LRRTM4: variants seen among roughly 807,000 people sequenced by gnomAD.
LRRTM4 encodes the protein leucine-rich repeat transmembrane neuronal protein 4.
LRRTM4 carries 25 observed loss-of-function variants against 47.6 expected under a neutral mutation model. That is an observed-to-expected ratio of 0.53 (90% CI 0.38 to 0.73). LRRTM4 has a LOEUF of 0.73. Among genes scored for constraint, LRRTM4 ranks in the 30% least tolerant of loss-of-function variants. The pLI is 0.00. For missense variants in LRRTM4, 638 were observed against 713.4 expected (o/e 0.89, Z 1.20); for synonymous variants, 311 against 269.5 (o/e 1.15, Z -1.51).
intron 3 of LRRTM4, among the ~76,000 whole-genome samples, chr2:77,270,789 T>G (rs1338440289): frequency 6.6e-6 from 1 of 152,182 alleles, no homozygotes; most frequent in Non-Finnish European, 1.5e-5. Flanking sequence ...TGAGAATGTG[T>G]CTTCCTGTTT....
At chr2:76,983,271 G>T (rs1432256088) in intron 3 of LRRTM4, among the ~76,000 whole-genome samples, 1 of 151,976 alleles carries the variant, frequency 6.6e-6, no homozygotes, top group Non-Finnish European at 1.5e-5. Context: ...CCATTTTATA[G>T]ACCCTAAGTC....
At chr2:77,371,954 G>A (rs1672670857) in intron 3 of LRRTM4, among the ~76,000 whole-genome samples, 1 of 151,674 alleles carries the variant, frequency 6.6e-6, no homozygotes, top group Non-Finnish European at 1.5e-5. Context: ...AGAAACAGAG[G>A]ACTTCATTCC....
intron 3 of LRRTM4, among the ~76,000 whole-genome samples, chr2:77,101,397 A>AG (rs926069063): frequency 1.9e-4 from 29 of 152,240 alleles, no homozygotes; most frequent in Admixed American, 1.6e-3. Flanking sequence ...ATACAAAATG[A>AG]GGGGGGTGAA....
At chr2:77,166,332 C>T (rs1672884690) in intron 3 of LRRTM4, among the ~76,000 whole-genome samples, 1 of 152,140 alleles carries the variant, frequency 6.6e-6, no homozygotes, top group Non-Finnish European at 1.5e-5. Flanking sequence ...AAGAACATTC[C>T]ATGCTCATGG....
At chr2:76,772,641 G>C (rs187428070) in intron 3 of LRRTM4, among the ~76,000 whole-genome samples, 1 of 152,052 alleles carries the variant, frequency 6.6e-6, no homozygotes, top group Non-Finnish European at 1.5e-5. Context: ...CTTACAATTT[G>C]AATTTCTTTC....
At chr2:77,389,363 G>C (rs1356574524) in intron 3 of LRRTM4, among the ~76,000 whole-genome samples, 1 of 152,042 alleles carries the variant, frequency 6.6e-6, no homozygotes, top group Non-Finnish European at 1.5e-5. Context: ...AGGCACCGAA[G>C]TCTTTCTCAG....
At chr2:77,088,206 T>A (rs1680790580) in intron 3 of LRRTM4, among the ~76,000 whole-genome samples, 1 of 152,198 alleles carries the variant, frequency 6.6e-6, no homozygotes, top group Non-Finnish European at 1.5e-5. Flanking sequence ...CCCCATATAC[T>A]TCCAGGTGGC....
chr2:77,109,145 TTTTG>T (rs1475169020), intron 3 of LRRTM4, among the ~76,000 whole-genome samples: 1 of 152,194 alleles, frequency 6.6e-6, no homozygotes, highest in East Asian at 1.9e-4. Context: ...CATGTTGGGT[TTTTG>T]TTTGTTTTGT....
At chr2:77,281,715 TG>T (rs1310672681) in intron 3 of LRRTM4, among the ~76,000 whole-genome samples, 2 of 151,690 alleles carry the variant, frequency 1.3e-5, no homozygotes, top group African/African-American at 2.4e-5. Context: ...CTTTCAAGAA[TG>T]GGGAGGTACA....
At chr2:77,331,005 A>C (rs1670952845) in intron 3 of LRRTM4, among the ~76,000 whole-genome samples, 1 of 152,164 alleles carries the variant, frequency 6.6e-6, no homozygotes, top group African/African-American at 2.4e-5. Context: ...TTATTCATTA[A>C]GTATGTCTGT....
chr2:76,832,412 A>G (rs1671379989), intron 3 of LRRTM4, among the ~76,000 whole-genome samples: 1 of 150,226 alleles, frequency 6.7e-6, no homozygotes, highest in East Asian at 2.0e-4. Context: ...GATTTCCTGA[A>G]GTCTATTTTC....
At chr2:76,974,740 T>C (rs1412000511) in intron 3 of LRRTM4, among the ~76,000 whole-genome samples, 1 of 151,742 alleles carries the variant, frequency 6.6e-6, no homozygotes, top group Non-Finnish European at 1.5e-5. Flanking sequence ...CATACTATTA[T>C]AAATTTAATT....
intron 3 of LRRTM4, among the ~76,000 whole-genome samples, chr2:76,846,264 A>G (rs533540684): frequency 1.1e-4 from 17 of 152,246 alleles, no homozygotes; most frequent in African/African-American, 4.1e-4. Context: ...CTCACTCCCA[A>G]GGGCTGCCCT....
At chr2:77,409,011 T>C (rs1394154218) in intron 3 of LRRTM4, among the ~76,000 whole-genome samples, 1 of 152,188 alleles carries the variant, frequency 6.6e-6, no homozygotes, top group South Asian at 2.1e-4. Flanking sequence ...CATCCCATTA[T>C]GCAAGTAACA....
At chr2:77,266,023 G>C (rs567688111) in intron 3 of LRRTM4, among the ~76,000 whole-genome samples, 1 of 152,248 alleles carries the variant, frequency 6.6e-6, no homozygotes, top group Non-Finnish European at 1.5e-5. Context: ...GCCAAATTTG[G>C]TCTGCCACCT....
intron 3 of LRRTM4, among the ~76,000 whole-genome samples, chr2:77,014,902 A>T (rs1234714569): frequency 6.6e-6 from 1 of 152,056 alleles, no homozygotes; most frequent in Admixed American, 6.5e-5. Context: ...TTTCAAAGAG[A>T]TTTTTTATTT....
intron 3 of LRRTM4, among the ~76,000 whole-genome samples, chr2:77,329,051 A>G (rs1479440237): frequency 6.6e-6 from 1 of 152,220 alleles, no homozygotes; most frequent in Non-Finnish European, 1.5e-5. Flanking sequence ...GCTGCTGAAC[A>G]TTGATATCAA....
At chr2:77,022,450 A>G (rs1238528089) in intron 3 of LRRTM4, among the ~76,000 whole-genome samples, 1 of 152,182 alleles carries the variant, frequency 6.6e-6, no homozygotes, top group African/African-American at 2.4e-5. Context: ...TCATTTCAGC[A>G]TTAACCCAAA....
At chr2:77,168,672 T>C (rs993842355) in intron 3 of LRRTM4, among the ~76,000 whole-genome samples, 3 of 152,174 alleles carry the variant, frequency 2.0e-5, no homozygotes, top group Admixed American at 2.0e-4. Flanking sequence ...TGTATGTTTG[T>C]ACTCATTAAC....
Sources: allele counts gnomAD v4.1 joint callset (sites outside exome capture counted in the v4.1 genomes callset), GRCh38; gene constraint gnomAD v4.1.1; transcripts MANE v1.5; gene names NCBI Gene and HGNC (gene_info 2026-07-23, HGNC 2026-07-21).